HDAC9: variants seen among roughly 807,000 people sequenced by gnomAD.
The protein encoded by HDAC9 is histone deacetylase 9, also known as MEF-2 interacting transcription repressor (MITR) protein.
Under a neutral mutation model 139.4 loss-of-function variants are expected in HDAC9, and 41 were observed. That is an observed-to-expected ratio of 0.29 (90% CI 0.23 to 0.38). HDAC9 has a LOEUF of 0.38. Ranked by LOEUF, HDAC9 falls within the 10% of genes least tolerant of loss-of-function variation. The pLI, the probability that HDAC9 is intolerant of heterozygous loss-of-function variation, is 1.00. For synonymous variants in HDAC9, 517 were observed against 476.2 expected, an observed-to-expected ratio of 1.09 and a Z score of -1.12; for missense variants, 1,147 against 1,297.0, an observed-to-expected ratio of 0.88 and a Z score of 1.78.
intron 2 of HDAC9, among the ~76,000 whole-genome samples, chr7:18,214,377 C>T (rs1237388338): frequency 1.3e-5 from 2 of 152,054 alleles, no homozygotes; most frequent in African/African-American, 4.8e-5. Context: ...TAAATGCATG[C>T]CTCTGGCCAT....
chr7:18,944,800 C>T (rs1782261897), intron 23 of HDAC9, among the ~76,000 whole-genome samples: 1 of 152,034 alleles, frequency 6.6e-6, no homozygotes, highest in Non-Finnish European at 1.5e-5. Flanking sequence ...TGAAATCATA[C>T]AATATATAAT....
intron 12 of HDAC9, among the ~76,000 whole-genome samples, chr7:18,695,009 G>A (rs1782939188): frequency 6.6e-6 from 1 of 152,106 alleles, no homozygotes; most frequent in Admixed American, 6.5e-5. Flanking sequence ...ATCTAAGGAA[G>A]TCAAATTGTA....
rs114763889 is a variant in HDAC9 at position 18,653,314 on chromosome 7, T to C, written c.1467+4631T>C. ...GGAGACATAAGAAAGAAAACTGATA[T>C]CTTTAAGGAAATAAAATTTGAGTTA... On this transcript the variant is annotated intron_variant, in intron 11 of 25. Transcript: ENST00000686413. Among the ~76,000 whole-genome samples, 265 of 151,562 alleles carry C rather than the reference T, an allele frequency of 1.7e-3. 1 individual carries two copies. Among genetic ancestry groups the C allele is most frequent in the African/African-American group, 6.2e-3 (256 of 41,300 alleles).
At chr7:18,410,095 T>C (rs55833071) in intron 1 of HDAC9, among the ~76,000 whole-genome samples, 31,124 of 152,128 alleles carry the variant, frequency 0.2, 3,601 homozygotes, top group Non-Finnish European at 0.25. Context: ...GAACACTAGA[T>C]TGTGATTTAG....
At chr7:18,778,293 TA>T (rs993474394) in intron 16 of HDAC9, among the ~76,000 whole-genome samples, 152 of 147,194 alleles carry the variant, frequency 1.0e-3, no homozygotes, top group African/African-American at 2.5e-3. Context: ...CAATTCTGGG[TA>T]AAAAAAAAAA....
chr7:18,862,469 A>T (rs1798183942), intron 21 of HDAC9, among the ~76,000 whole-genome samples: 1 of 152,208 alleles, frequency 6.6e-6, no homozygotes, highest in Non-Finnish European at 1.5e-5. Flanking sequence ...GAATATCTTG[A>T]GTTGGAATCA....
chr7:18,752,694 G>C (rs1227854238), intron 14 of HDAC9, among the ~76,000 whole-genome samples: 3 of 152,068 alleles, frequency 2.0e-5, no homozygotes, highest in African/African-American at 7.2e-5. Flanking sequence ...TCAAAAGAGA[G>C]GATTTATTAG....
chr7:18,600,110 G>A (rs940074814), intron 6 of HDAC9, among the ~76,000 whole-genome samples: 6 of 151,794 alleles, frequency 4.0e-5, no homozygotes, highest in Admixed American at 1.3e-4. Flanking sequence ...ATCATCTTTG[G>A]TGGTGTCTTT....
At chr7:18,872,742 A>C (rs1414055240) in intron 21 of HDAC9, among the ~76,000 whole-genome samples, 1 of 152,132 alleles carries the variant, frequency 6.6e-6, no homozygotes, top group Non-Finnish European at 1.5e-5. Context: ...TATATTTAAT[A>C]TCCATGGGTA....
intron 2 of HDAC9, among the ~76,000 whole-genome samples, chr7:18,167,560 T>G (rs903642450): frequency 5.3e-5 from 8 of 152,184 alleles, no homozygotes; most frequent in African/African-American, 1.9e-4. Flanking sequence ...AGAGCTGCTG[T>G]TTTTCTAATG....
intron 12 of HDAC9, chr7:18,667,413 TC>T (rs1795140140): frequency 1.0e-6 from 1 of 983,594 alleles, no homozygotes; most frequent in Non-Finnish European, 1.2e-6. Context: ...TAAGTATAAT[TC>T]CATAATGACA....
At chr7:18,874,656 T>G in intron 22 of HDAC9, 60 bp downstream of exon 22, 1 of 952,442 alleles carries the variant, frequency 1.0e-6, no homozygotes, top group Non-Finnish European at 1.7e-6. Flanking sequence ...TTTTAGGTCT[T>G]TATGATAGAC....
intron 2 of HDAC9, among the ~76,000 whole-genome samples, chr7:18,540,696 T>C (rs1369527303): frequency 6.6e-6 from 1 of 152,186 alleles, no homozygotes; most frequent in Non-Finnish European, 1.5e-5. Context: ...GTATAAAGAA[T>C]TTTTGTGAAG....
intron 2 of HDAC9, among the ~76,000 whole-genome samples, chr7:18,204,577 TTTTG>T (rs1239274106): frequency 1.1e-4 from 16 of 152,160 alleles, no homozygotes; most frequent in African/African-American, 3.8e-4. Context: ...TAAAATAATT[TTTTG>T]TATTTATTCA....
chr7:18,555,579 A>G (rs980105191), intron 2 of HDAC9, among the ~76,000 whole-genome samples: 1 of 152,162 alleles, frequency 6.6e-6, no homozygotes, highest in African/African-American at 2.4e-5. Context: ...ACACGGAGAC[A>G]GACACAAACA....
At chr7:18,220,990 A>G (rs1584706376) in intron 2 of HDAC9, among the ~76,000 whole-genome samples, 1 of 152,100 alleles carries the variant, frequency 6.6e-6, no homozygotes, top group African/African-American at 2.4e-5. Flanking sequence ...CCTTTGGTTG[A>G]CCTCACTTTT....
intron 2 of HDAC9, among the ~76,000 whole-genome samples, chr7:18,573,226 G>A (rs755461928): frequency 1.3e-5 from 2 of 152,208 alleles, no homozygotes; most frequent in Non-Finnish European, 2.9e-5. Flanking sequence ...CTGTGAGGGA[G>A]AATTGTATTT....
chr7:18,773,699 A>G (rs370595646), intron 16 of HDAC9, among the ~76,000 whole-genome samples: 160 of 151,204 alleles, frequency 1.1e-3, no homozygotes, highest in African/African-American at 3.8e-3. Flanking sequence ...TAGAGTAGAC[A>G]AAGGAAATGG....
At chr7:18,689,916 C>T (rs1318589330) in intron 12 of HDAC9, among the ~76,000 whole-genome samples, 1 of 151,998 alleles carries the variant, frequency 6.6e-6, no homozygotes, top group Non-Finnish European at 1.5e-5. Flanking sequence ...ATCTATAAGT[C>T]AGGACACAAA....
Sources: gnomAD v4.1 joint callset for allele counts (sites outside exome capture counted in the v4.1 genomes callset) on GRCh38, gnomAD v4.1.1 for gene constraint, MANE v1.5 for transcripts, NCBI Gene and HGNC (gene_info 2026-07-23, HGNC 2026-07-21) for gene names.